The following DOCK3 variants were observed in gnomAD, a reference collection of about 807,000 sequenced individuals.
The protein encoded by DOCK3 is dedicator of cytokinesis 3, also known as dedicator of cytokinesis protein 3.
A neutral mutation model predicts 265.6 loss-of-function variants in DOCK3; 60 were observed. The observed-to-expected ratio is 0.23, with a 90% CI of 0.18 to 0.28. The LOEUF (loss-of-function observed/expected upper bound fraction) is 0.28, where lower values mean the gene tolerates loss of function less well. DOCK3 is among the 10% of genes least tolerant of loss of function. The pLI is 1.00. For synonymous variants in DOCK3, 881 were observed against 938.0 expected (o/e 0.94, Z 1.11); for missense variants, 1,981 against 2,594.3 (o/e 0.76, Z 5.14).
chr3:50,902,562 A>C (rs569345392), intron 4 of DOCK3, among the ~76,000 whole-genome samples: 2 of 152,308 alleles, frequency 1.3e-5, no homozygotes, highest in South Asian at 4.1e-4. Flanking sequence ...TACCAGTACC[A>C]TGCTGTTTTG....
At chr3:50,692,486 C>T (rs2035323314) in intron 1 of DOCK3, among the ~76,000 whole-genome samples, 1 of 152,210 alleles carries the variant, frequency 6.6e-6, no homozygotes, top group Admixed American at 6.5e-5. Flanking sequence ...GCTGATCTGA[C>T]TGGAGGCAGA....
Position 51,381,568 on chromosome 3 carries a change from G to C in DOCK3, c.*9G>C, listed in dbSNP as rs782780365. The C allele has an allele frequency of 6.7e-7, 1 of 1,496,752 alleles. No homozygotes were observed. Among genetic ancestry groups the C allele is most frequent in the Admixed American group, 2.4e-5 (1 of 41,702 alleles). 92.7% of individuals were successfully genotyped at this position (1,496,752 alleles called of 1,614,324 possible). On this transcript the variant is annotated 3_prime_UTR_variant, in exon 53 of 53. Coordinates refer to ENST00000266037, the MANE Select transcript of DOCK3 (RefSeq NM_004947.5). This position sits in a 1 kb window ranked among gnomAD's most constrained non-coding sequence, Gnocchi z 5.6. ...GCCGAGGGGAGCAGTGAGGGGCAACGAGGCGGCTGGGATGCCGCCCTCAGT... is the reference window on the plus strand; with the variant it reads ...GCCGAGGGGAGCAGTGAGGGGCAACCAGGCGGCTGGGATGCCGCCCTCAGT...
chr3:50,787,882 T>G (rs2042269025), intron 2 of DOCK3: 1 of 1,059,852 alleles, frequency 9.4e-7, no homozygotes, highest in Non-Finnish European at 1.4e-6. Context: ...CCTTTTCCCC[T>G]TTAGGTACAT....
At chr3:51,261,561 G>A (rs1278303017) in intron 23 of DOCK3, among the ~76,000 whole-genome samples, 3 of 152,152 alleles carry the variant, frequency 2.0e-5, no homozygotes, top group African/African-American at 7.2e-5. Flanking sequence ...CAGCGAGACA[G>A]AACCGTTCAC....
intron 3 of DOCK3, among the ~76,000 whole-genome samples, chr3:50,881,774 T>G (rs2048038326): frequency 6.6e-6 from 1 of 152,128 alleles, no homozygotes; most frequent in African/African-American, 2.4e-5. Flanking sequence ...ACTTTAAAGT[T>G]TATATGGAAC....
intron 9 of DOCK3, among the ~76,000 whole-genome samples, chr3:51,137,260 G>A (rs2084848821): frequency 6.6e-6 from 1 of 152,192 alleles, no homozygotes. Flanking sequence ...GTCATACAGT[G>A]TAGTATAACC....
intron 1 of DOCK3, among the ~76,000 whole-genome samples, chr3:50,766,337 T>G (rs2040874118): frequency 6.8e-6 from 1 of 146,646 alleles, no homozygotes; most frequent in Non-Finnish European, 1.5e-5. Flanking sequence ...GTGTTCTCAT[T>G]GTTCAATACC....
intron 3 of DOCK3, among the ~76,000 whole-genome samples, chr3:50,868,926 T>TG (rs1470718142): frequency 7.4e-6 from 1 of 135,170 alleles, no homozygotes; most frequent in African/African-American, 2.8e-5. Context: ...TTTTTTTTTT[T>TG]GGTCTGACTA....
intron 9 of DOCK3, among the ~76,000 whole-genome samples, chr3:51,106,399 A>G (rs1457145589): frequency 3.3e-5 from 5 of 152,148 alleles, no homozygotes; most frequent in Admixed American, 2.6e-4. Context: ...CCTCCACTGC[A>G]GCCTCCCCAT....
Position 51,357,035 on chromosome 3 carries a change from G to A in DOCK3, c.4577G>A (p.Ser1526Asn), listed in dbSNP as rs981316539. ...AACCAGGAGCTACGCTCCCTGATCA[G>A]CCAGTATCAACACAAGCAGGTGCAT... ...NKNQELRSLI[S>N]QYQHKQVHGN... is the part of the protein sequence containing the mutation. The change falls in exon 44 of 53, where the codon AGC becomes AAC. Residue 1526 changes from serine to asparagine, a missense_variant. Ser to Asn is a conservative substitution (Grantham distance 46, BLOSUM62 1). Around this residue, in one of 4 missense-constraint regions of DOCK3, gnomAD observed 1,357 missense variants for 1,866.8 expected, o/e 0.73. Transcript: ENST00000266037. 1.9e-6 allele frequency: 3 copies of A among 1,613,422 alleles called. No homozygotes were observed. Among genetic ancestry groups the A allele is most frequent in the Admixed American group, 3.3e-5 (2 of 60,026 alleles).
chr3:50,913,685 G>A (rs2049976042), intron 4 of DOCK3, among the ~76,000 whole-genome samples: 1 of 152,114 alleles, frequency 6.6e-6, no homozygotes. Flanking sequence ...TCGTTGGTGG[G>A]CATCAGCTGA....
chr3:50,825,875 T>C (rs556223882), intron 2 of DOCK3, among the ~76,000 whole-genome samples: 1 of 152,280 alleles, frequency 6.6e-6, no homozygotes, highest in African/African-American at 2.4e-5. Flanking sequence ...TTTTTCTTTG[T>C]CAGCTGAATC....
At chr3:51,370,370 A>G (rs2087581500) in intron 49 of DOCK3, among the ~76,000 whole-genome samples, 1 of 152,204 alleles carries the variant, frequency 6.6e-6, no homozygotes, top group Non-Finnish European at 1.5e-5. Flanking sequence ...ATGATGATTG[A>G]TAAACACAGA....
At chr3:51,346,902 T>G (rs1445043835) in intron 38 of DOCK3, among the ~76,000 whole-genome samples, 30 of 149,824 alleles carry the variant, frequency 2.0e-4, no homozygotes, top group East Asian at 5.9e-4. Context: ...ATGATGAGCA[T>G]TTTTTCATGT....
At chr3:50,759,162 T>C (rs1413651230) in intron 1 of DOCK3, among the ~76,000 whole-genome samples, 1 of 152,176 alleles carries the variant, frequency 6.6e-6, no homozygotes, top group African/African-American at 2.4e-5. Context: ...AATATCAAAT[T>C]AAAATTAAAT....
At chr3:51,342,216 A>T (rs1283394089) in intron 38 of DOCK3, among the ~76,000 whole-genome samples, 1 of 152,226 alleles carries the variant, frequency 6.6e-6, no homozygotes, top group Non-Finnish European at 1.5e-5. Flanking sequence ...AAATCAGAAA[A>T]CATTCTTCAG....
intron 12 of DOCK3, among the ~76,000 whole-genome samples, chr3:51,195,155 T>C (rs560285943): frequency 6.6e-6 from 1 of 151,944 alleles, no homozygotes; most frequent in African/African-American, 2.4e-5. Flanking sequence ...AATAGTCGGA[T>C]TGTGGGTTTT....
At chr3:50,966,030 CT>C (rs34258907) in intron 5 of DOCK3, among the ~76,000 whole-genome samples, 139,644 of 145,536 alleles carry the variant, frequency 0.96, 67,143 homozygotes, top group Middle Eastern at 1. Flanking sequence ...TCTAAGAGTT[CT>C]TTTTTTTTTT....
chr3:51,309,917 C>T (rs973508383), intron 27 of DOCK3, among the ~76,000 whole-genome samples: 3 of 152,228 alleles, frequency 2.0e-5, no homozygotes, highest in Non-Finnish European at 2.9e-5. Context: ...CAGTCGGACA[C>T]CAGTTTGGCT....
Sources: allele counts gnomAD v4.1 joint callset (sites outside exome capture counted in the v4.1 genomes callset), GRCh38; gene constraint gnomAD v4.1.1; regional missense constraint gnomAD v4.1.1; non-coding constraint Gnocchi (gnomAD v3.1); transcripts MANE v1.5; gene names NCBI Gene and HGNC (gene_info 2026-07-23, HGNC 2026-07-21).